LMX1B: variants seen among roughly 807,000 people sequenced by gnomAD.
LMX1B encodes the protein LIM homeobox transcription factor 1 beta, also known as LIM homeobox transcription factor 1-beta.
Under a neutral mutation model 51.4 loss-of-function variants are expected in LMX1B, and 12 were observed. The ratio of observed to expected loss-of-function variants is 0.23; its 90% CI spans 0.15 to 0.38. LMX1B has a LOEUF of 0.38. LMX1B is among the 10% of genes least tolerant of loss of function. LMX1B has a pLI of 1.00. For missense variants in LMX1B, 445 were observed against 571.1 expected (o/e 0.78, Z 2.25); for synonymous variants, 237 against 235.4 (o/e 1.01, Z -0.06).
chr9:126,684,117 T>G (rs1415111430), intron 2 of LMX1B, among the ~76,000 whole-genome samples: 1 of 152,000 alleles, frequency 6.6e-6, no homozygotes, highest in Non-Finnish European at 1.5e-5. Flanking sequence ...AGGGCTGCAG[T>G]GCAAGGGCCA....
rs1836155984 is a variant in LMX1B at position 126,658,201 on chromosome 9, G to A, written c.327-32635G>A. Among the ~76,000 whole-genome samples the A allele has an allele frequency of 6.6e-6, 1 of 152,084 alleles. No individual in the cohort carries two copies. The highest frequency in any genetic ancestry group is 2.4e-5 in the African/African-American group (1 of 41,392). ...GGGGAATGTGGGGGCTGGGTTGTAGGAGTGGGACAGGGCAGGAGGGGGGTG... is the reference window on the plus strand; with the variant it reads ...GGGGAATGTGGGGGCTGGGTTGTAGAAGTGGGACAGGGCAGGAGGGGGGTG... On this transcript the variant is annotated intron_variant, in intron 2 of 7. Coordinates refer to ENST00000373474, the MANE Select transcript of LMX1B (RefSeq NM_001174147.2). The surrounding 1 kb of genome is among the most constrained non-coding windows in gnomAD (Gnocchi z 4.0).
intron 2 of LMX1B, among the ~76,000 whole-genome samples, chr9:126,644,977 G>T (rs1367936874): frequency 2.0e-5 from 3 of 152,150 alleles, no homozygotes; most frequent in Admixed American, 1.3e-4. Context: ...CCCACCTGCT[G>T]TCAGTCTGCC....
chr9:126,659,835 A>G (rs901782290), intron 2 of LMX1B, among the ~76,000 whole-genome samples: 23 of 148,502 alleles, frequency 1.5e-4, no homozygotes, highest in African/African-American at 5.8e-4. Context: ...GGCCTTGGAG[A>G]TTGTCCTGTG....
intron 6 of LMX1B, 117 bp downstream of exon 6, chr9:126,693,929 C>T (rs989419263): frequency 1.3e-5 from 8 of 634,290 alleles, no homozygotes; most frequent in Non-Finnish European, 2.2e-5. Context: ...TGGGCCAGGG[C>T]TGGGACCGGG....
Position 126,677,543 on chromosome 9 carries a change from T to G in LMX1B, c.327-13293T>G, listed in dbSNP as rs1311676626. 6.6e-6 allele frequency among the ~76,000 whole-genome samples: 1 copy of G among 151,628 alleles called. No individual in the cohort carries two copies. Among genetic ancestry groups the G allele is most frequent in the African/African-American group, 2.4e-5 (1 of 41,218 alleles). Reference sequence around the variant, plus strand: ...TCCAACCTCCAGGAAGGCAGGAGAGTGTGGTGGTTACCAGCCCAGCTGACC... The same window carrying G: ...TCCAACCTCCAGGAAGGCAGGAGAGGGTGGTGGTTACCAGCCCAGCTGACC... On this transcript the variant is annotated intron_variant, in intron 2 of 7. Coordinates refer to ENST00000373474, the MANE Select transcript of LMX1B (RefSeq NM_001174147.2). This position sits in a 1 kb window ranked among gnomAD's most constrained non-coding sequence, Gnocchi z 5.0.
chr9:126,647,393 A>G, intron 2 of LMX1B, among the ~76,000 whole-genome samples: 1 of 152,100 alleles, frequency 6.6e-6, no homozygotes, highest in Non-Finnish European at 1.5e-5. Context: ...TAACTTTGGG[A>G]CACGCCGGGA....
At chr9:126,643,626 G>A (rs1588276040) in intron 2 of LMX1B, among the ~76,000 whole-genome samples, 1 of 152,090 alleles carries the variant, frequency 6.6e-6, no homozygotes, top group Admixed American at 6.5e-5. Context: ...TGGGCAAAAG[G>A]GGATGTCATT....
At chr9:126,689,699 G>A (rs987362203) in intron 2 of LMX1B, among the ~76,000 whole-genome samples, 4 of 151,656 alleles carry the variant, frequency 2.6e-5, no homozygotes, top group Admixed American at 1.3e-4. Context: ...CACCTCTCCC[G>A]GCCCTCGTTT....
intron 2 of LMX1B, among the ~76,000 whole-genome samples, chr9:126,661,847 G>A (rs769294090): frequency 6.6e-5 from 10 of 152,182 alleles, no homozygotes; most frequent in African/African-American, 1.7e-4. Context: ...GGCCTGCAGC[G>A]CCCCCTGGCC....
chr9:126,655,867 A>G (rs1723761183), intron 2 of LMX1B, among the ~76,000 whole-genome samples: 1 of 152,178 alleles, frequency 6.6e-6, no homozygotes, highest in Non-Finnish European at 1.5e-5. Context: ...TGCGCCATGG[A>G]TGTCAGGTCG....
chr9:126,657,359 C>T (rs1455363035), intron 2 of LMX1B, among the ~76,000 whole-genome samples: 3 of 152,220 alleles, frequency 2.0e-5, no homozygotes, highest in African/African-American at 7.2e-5. Flanking sequence ...ATATGACGCA[C>T]AAAATGCATG....
intron 2 of LMX1B, among the ~76,000 whole-genome samples, chr9:126,670,361 G>A (rs1260146575): frequency 6.6e-6 from 1 of 152,266 alleles, no homozygotes; most frequent in Non-Finnish European, 1.5e-5. Flanking sequence ...CACTCAGAGA[G>A]CAGCCTGTAG....
chr9:126,616,124 C>G (rs761715212), intron 2 of LMX1B, among the ~76,000 whole-genome samples: 1 of 152,200 alleles, frequency 6.6e-6, no homozygotes, highest in Admixed American at 6.5e-5. Context: ...TTCCCCAAAC[C>G]GTTCCATGCG....
Position 126,615,686 on chromosome 9 carries a change from C to G in LMX1B, c.326+117C>G. On this transcript the variant is annotated intron_variant, in intron 2 of 7. Coordinates refer to ENST00000373474, the MANE Select transcript of LMX1B (RefSeq NM_001174147.2). This position sits in a 1 kb window ranked among gnomAD's most constrained non-coding sequence, Gnocchi z 6.0. The stretch of plus-strand genomic sequence containing the variant: ...CGGCTCTGTGCGCGGCTGGGCCGGG[C>G]AGCTCCAAGGGTTCCGAGAGCTGCG... 1 of 953,934 alleles carries G rather than the reference C, an allele frequency of 1.0e-6. No homozygotes were observed. Among genetic ancestry groups the G allele is most frequent in the South Asian group, 1.8e-5 (1 of 54,612 alleles). The allele number at this position is 953,934 out of a possible 1,614,324, so 59.1% of individuals were successfully genotyped here.
intron 2 of LMX1B, among the ~76,000 whole-genome samples, chr9:126,623,700 A>T (rs1321239913): frequency 6.6e-6 from 1 of 152,098 alleles, no homozygotes; most frequent in African/African-American, 2.4e-5. Context: ...CCAGCCTGGG[A>T]GGGGTGGGGA....
chr9:126,657,151 G>A (rs1245230927), intron 2 of LMX1B, among the ~76,000 whole-genome samples: 2 of 152,178 alleles, frequency 1.3e-5, no homozygotes. Flanking sequence ...TTTTGAAAAA[G>A]TAAAATAAGT....
chr9:126,664,474 A>G (rs73596763), intron 2 of LMX1B, among the ~76,000 whole-genome samples: 2,050 of 152,344 alleles, frequency 0.013, 46 homozygotes, highest in African/African-American at 0.045. Flanking sequence ...CAAGGAGCCA[A>G]GAGGTGTCAC....
intron 2 of LMX1B, among the ~76,000 whole-genome samples, chr9:126,688,142 A>G (rs970601119): frequency 4.6e-5 from 7 of 152,210 alleles, no homozygotes; most frequent in Admixed American, 4.6e-4. Flanking sequence ...TGATACCCTG[A>G]GTGGCTGGCG....
In LMX1B at chr9:126,677,961, A is replaced by G. The variant is rs1836597106; in HGVS notation, c.327-12875A>G. Among the ~76,000 whole-genome samples, 1 of 152,164 alleles carries G rather than the reference A, an allele frequency of 6.6e-6. No homozygotes were observed. Among genetic ancestry groups the G allele is most frequent in the Non-Finnish European group, 1.5e-5 (1 of 68,036 alleles). On this transcript the variant is annotated intron_variant, in intron 2 of 7. Transcript: ENST00000373474. The surrounding 1 kb of genome is among the most constrained non-coding windows in gnomAD (Gnocchi z 5.0). ...GGTCCTCCCTCTGGAGGAGAGAGCT[A>G]CCATGCCTCAAGGTCTTATATGGAC...
Sources: allele counts gnomAD v4.1 joint callset (sites outside exome capture counted in the v4.1 genomes callset), GRCh38; gene constraint gnomAD v4.1.1; non-coding constraint Gnocchi (gnomAD v3.1); transcripts MANE v1.5; gene names NCBI Gene and HGNC (gene_info 2026-07-23, HGNC 2026-07-21).